Variants in CACNA2D4 observed in about 807,000 individuals in gnomAD.
CACNA2D4 encodes voltage-dependent calcium channel subunit alpha-2/delta-4.
A neutral mutation model predicts 163.8 loss-of-function variants in CACNA2D4; 157 were observed. The observed-to-expected ratio is 0.96, with a 90% CI of 0.84 to 1.09. The LOEUF (loss-of-function observed/expected upper bound fraction) is 1.09. CACNA2D4 is among the 50% of genes least tolerant of loss of function. CACNA2D4 has a pLI of 0.00. For synonymous variants in CACNA2D4, 598 were observed against 586.9 expected (o/e 1.02, Z -0.27); for missense variants, 1,410 against 1,479.9 (o/e 0.95, Z 0.78).
rs184561466 is a variant in CACNA2D4, at chr12:1,829,302, G to A, written c.2551+11437C>T. 3.2e-4 allele frequency among the ~76,000 whole-genome samples: 48 copies of A among 152,270 alleles called. No individual in the cohort carries two copies. Among genetic ancestry groups the A allele is most frequent in the Middle Eastern group, 3.4e-3 (1 of 294 alleles). On this transcript the variant is annotated intron_variant, in intron 26 of 37. Transcript: ENST00000382722. The surrounding 1 kb of genome is among the most constrained non-coding windows in gnomAD (Gnocchi z 4.2). ...CTGAATGCGTTGGATTTTATTTCCT[G>A]GGGAAAGTCAAGTCTGAAGAATGCT...
rs1464030860 is a variant in CACNA2D4, at chr12:1,883,030, A to G, written c.1352-30T>C. 2.5e-6 allele frequency: 4 copies of G among 1,602,418 alleles called. No homozygotes were observed. Among genetic ancestry groups the G allele is most frequent in the South Asian group, 1.1e-5 (1 of 89,078 alleles). ...GGTGGGGAAGGCCGCGTGGGTGTGG[A>G]AGGCAGGGCTTCCCTGGGAACCCCT... On this transcript the variant is annotated intron_variant, in intron 12 of 37. Transcript: ENST00000382722. This position sits in a 1 kb window ranked among gnomAD's most constrained non-coding sequence, Gnocchi z 4.5.
chr12:1,879,731 C>T, intron 14 of CACNA2D4, 73 bp downstream of exon 14: 5 of 1,245,974 alleles, frequency 4.0e-6, no homozygotes, highest in Non-Finnish European at 4.6e-6. Flanking sequence ...AGTCAAGAAT[C>T]ACTGGTCTAA....
At chr12:1,796,080 G>C (rs912967071) in intron 35 of CACNA2D4, 2 of 325,700 alleles carry the variant, frequency 6.1e-6, no homozygotes, top group Admixed American at 4.4e-5. Context: ...AGGGACGACA[G>C]GCGTAAATCA....
At chr12:1,795,830 G>C (rs117947732) in intron 35 of CACNA2D4, 50 bp from the exon 36 acceptor site, 1 of 1,165,658 alleles carries the variant, frequency 8.6e-7, no homozygotes, top group Non-Finnish European at 1.3e-6. Flanking sequence ...ACCACGAGAA[G>C]GGCTTCTAGG....
intron 19 of CACNA2D4, 25 bp from the exon 20 acceptor site, chr12:1,858,669 T>C (rs745564781): frequency 6.4e-7 from 1 of 1,561,166 alleles, no homozygotes; most frequent in Non-Finnish European, 8.7e-7. Context: ...GAGAAGGCAC[T>C]CATTCAGCAG....
At chr12:1,881,740 C>T (rs1020390357) in intron 13 of CACNA2D4, among the ~76,000 whole-genome samples, 7 of 152,366 alleles carry the variant, frequency 4.6e-5, no homozygotes, top group South Asian at 2.1e-4. Context: ...GCAGCCAGCT[C>T]GTCTCTTCTC....
intron 18 of CACNA2D4, among the ~76,000 whole-genome samples, chr12:1,860,566 C>T (rs915032854): frequency 1.3e-5 from 2 of 152,166 alleles, no homozygotes; most frequent in South Asian, 2.1e-4. Flanking sequence ...ATGTGGCTAG[C>T]GGCTATATTG....
intron 26 of CACNA2D4, among the ~76,000 whole-genome samples, chr12:1,819,826 G>A (rs1565684382): frequency 6.6e-6 from 1 of 152,164 alleles, no homozygotes; most frequent in Non-Finnish European, 1.5e-5. Flanking sequence ...ACTGAGAACG[G>A]TCTGCAGGCT....
intron 14 of CACNA2D4, among the ~76,000 whole-genome samples, chr12:1,879,516 AC>A (rs1404953691): frequency 2.6e-5 from 4 of 152,008 alleles, no homozygotes; most frequent in Non-Finnish European, 4.4e-5. Flanking sequence ...CTGACGGGAA[AC>A]CCTCCGGTCT....
rs1452275410 is a variant in CACNA2D4 at position 1,829,803 on chromosome 12, C to T, written c.2551+10936G>A. Among the ~76,000 whole-genome samples the T allele has an allele frequency of 6.6e-6, 1 of 151,780 alleles. No individual in the cohort carries two copies. Among genetic ancestry groups the T allele is most frequent in the Non-Finnish European group, 1.5e-5 (1 of 67,914 alleles). On this transcript the variant is annotated intron_variant, in intron 26 of 37. Coordinates refer to ENST00000382722, the MANE Select transcript of CACNA2D4 (RefSeq NM_172364.5). The surrounding 1 kb of genome is among the most constrained non-coding windows in gnomAD (Gnocchi z 4.2). ...CAGTTCTCTGGCTGGGGTCTTTTCT[C>T]TAGGCTGGGTGGAACTGACCTCGGC...
chr12:1,862,651 G>A (rs983652166), intron 18 of CACNA2D4, among the ~76,000 whole-genome samples: 2 of 152,158 alleles, frequency 1.3e-5, no homozygotes, highest in Non-Finnish European at 2.9e-5. Context: ...GGCCTCAAGC[G>A]ACCTGCTTAC....
chr12:1,803,410 G>A (rs1863404596), intron 29 of CACNA2D4, among the ~76,000 whole-genome samples: 1 of 152,218 alleles, frequency 6.6e-6, no homozygotes, highest in Admixed American at 6.5e-5. Context: ...CCAATATGGG[G>A]CCACAGGTCC....
chr12:1,809,314 C>T, intron 29 of CACNA2D4: 1 of 565,200 alleles, frequency 1.8e-6, no homozygotes, highest in Non-Finnish European at 3.1e-6. Flanking sequence ...GAACTTAGAG[C>T]CCTCAGCTGG....
Position 1,829,174 on chromosome 12 carries a change from C to G in CACNA2D4, c.2551+11565G>C, listed in dbSNP as rs2370056. ...CCTTGATCTCCAGGGAGGTGGGGGG[C>G]GCAGGGAGTCGCTCTTCCGCAGCGG... On this transcript the variant is annotated intron_variant, in intron 26 of 37. Transcript: ENST00000382722. This position sits in a 1 kb window ranked among gnomAD's most constrained non-coding sequence, Gnocchi z 4.2. Among the ~76,000 whole-genome samples, 1,589 of 152,260 alleles carry G rather than the reference C, an allele frequency of 0.01. 19 individuals carry two copies. Among genetic ancestry groups the G allele is most frequent in the African/African-American group, 0.034 (1,410 of 41,534 alleles).
Position 1,883,668 on chromosome 12 carries a change from G to A in CACNA2D4, c.1351+575C>T, listed in dbSNP as rs764869134. ...CTCTGTCTGGAACACCCTTCCAGTCGCCCCACTGACTTGGAGAGTGCCTCC... is the reference window on the plus strand; with the variant it reads ...CTCTGTCTGGAACACCCTTCCAGTCACCCCACTGACTTGGAGAGTGCCTCC... On this transcript the variant is annotated intron_variant, in intron 12 of 37. Transcript: ENST00000382722. This position sits in a 1 kb window ranked among gnomAD's most constrained non-coding sequence, Gnocchi z 4.5. Among the ~76,000 whole-genome samples the A allele has an allele frequency of 6.6e-6, 1 of 152,058 alleles. No homozygotes were observed. Among genetic ancestry groups the A allele is most frequent in the East Asian group, 1.9e-4 (1 of 5,174 alleles).
intron 29 of CACNA2D4, among the ~76,000 whole-genome samples, chr12:1,803,985 G>C (rs902201068): frequency 2.6e-5 from 4 of 152,192 alleles, no homozygotes; most frequent in Non-Finnish European, 5.9e-5. Context: ...GCATTCCAGG[G>C]ACACAACAGC....
At chr12:1,858,680 C>T (rs371298006) in intron 19 of CACNA2D4, 36 bp from the exon 20 acceptor site, 24 of 1,533,202 alleles carry the variant, frequency 1.6e-5, no homozygotes, top group African/African-American at 6.9e-5. Flanking sequence ...CATTCAGCAG[C>T]AGCAGATGCC....
intron 25 of CACNA2D4, among the ~76,000 whole-genome samples, chr12:1,841,755 A>G (rs1331205624): frequency 6.6e-6 from 1 of 152,226 alleles, no homozygotes; most frequent in Non-Finnish European, 1.5e-5. Flanking sequence ...TTGTGTGGCG[A>G]TTATGACAAC....
chr12:1,831,155 G>C (rs758682455), intron 26 of CACNA2D4: 1 of 1,613,994 alleles, frequency 6.2e-7, no homozygotes, highest in Non-Finnish European at 8.5e-7. Context: ...GCCTGCAGCG[G>C]TTGGACCTGT....
Sources: gnomAD v4.1 joint callset for allele counts (sites outside exome capture counted in the v4.1 genomes callset) on GRCh38, gnomAD v4.1.1 for gene constraint, Gnocchi (gnomAD v3.1) non-coding constraint, MANE v1.5 for transcripts, NCBI Gene and HGNC (gene_info 2026-07-23, HGNC 2026-07-21) for gene names.